CCDC33: variants seen among roughly 807,000 people sequenced by gnomAD.
CCDC33 encodes coiled-coil domain-containing protein 33.
In CCDC33, 94 loss-of-function variants were observed where a neutral mutation model predicts 91.9. That is an observed-to-expected ratio of 1.02 (90% CI 0.87 to 1.21). The LOEUF (loss-of-function observed/expected upper bound fraction) is 1.21. CCDC33 is among the 50% of genes most tolerant of loss of function. The probability of loss-of-function intolerance (pLI) is 0.00; values close to 1 mark genes in which losing one functional copy is unlikely to be tolerated. For synonymous variants in CCDC33, 396 were observed against 374.5 expected (o/e 1.06, Z -0.66); for missense variants, 940 against 935.5 (o/e 1.00, Z -0.06).
intron 2 of CCDC33, among the ~76,000 whole-genome samples, chr15:74,256,476 A>G (rs1445174333): frequency 6.6e-6 from 1 of 152,160 alleles, no homozygotes; most frequent in African/African-American, 2.4e-5. Context: ...AGAGGATTCC[A>G]CGTCCTGGCA....
chr15:74,253,515 C>T (rs182609655), intron 2 of CCDC33, among the ~76,000 whole-genome samples: 1 of 152,240 alleles, frequency 6.6e-6, no homozygotes, highest in African/African-American at 2.4e-5. Flanking sequence ...CCCTGGAATC[C>T]CGTTGATCTC....
chr15:74,336,159 G>A (rs1301869420), downstream of CCDC33: 4 of 1,506,118 alleles, frequency 2.7e-6, no homozygotes, highest in Non-Finnish European at 2.7e-6. Flanking sequence ...CCTCTTTCCT[G>A]GAGCAGGGCA....
intron 10 of CCDC33, among the ~76,000 whole-genome samples, chr15:74,291,236 T>C (rs1377891332): frequency 6.6e-6 from 1 of 152,224 alleles, no homozygotes; most frequent in African/African-American, 2.4e-5. Flanking sequence ...GAGGGGCCTG[T>C]TGTCTGAGCT....
chr15:74,303,926 C>T (rs2059843069), intron 11 of CCDC33: 1 of 152,302 alleles, frequency 6.6e-6, no homozygotes, highest in Non-Finnish European at 1.5e-5. Context: ...CTCTCCAATT[C>T]CTAAACACAA....
chr15:74,274,997 G>A (rs926758069), intron 7 of CCDC33, among the ~76,000 whole-genome samples: 4 of 152,220 alleles, frequency 2.6e-5, no homozygotes, highest in South Asian at 2.1e-4. Context: ...GGGATTGCCC[G>A]GGCAGAGCCA....
chr15:74,271,373 G>A (rs983861524), intron 5 of CCDC33, among the ~76,000 whole-genome samples: 3 of 152,160 alleles, frequency 2.0e-5, no homozygotes, highest in Non-Finnish European at 1.5e-5. Context: ...TGGAGGGGCC[G>A]AGGTTAGAAC....
chr15:74,247,591 CAGAA>C, intron 2 of CCDC33, among the ~76,000 whole-genome samples: 1 of 152,176 alleles, frequency 6.6e-6, no homozygotes, highest in South Asian at 2.1e-4. Flanking sequence ...AAGCTAGACA[CAGAA>C]AGACAAATAC....
chr15:74,293,759 A>C (rs2059628096), intron 10 of CCDC33, among the ~76,000 whole-genome samples: 1 of 152,222 alleles, frequency 6.6e-6, no homozygotes. Flanking sequence ...GGGGTCCCCC[A>C]GTGTCCCACT....
intron 11 of CCDC33, among the ~76,000 whole-genome samples, chr15:74,306,876 G>C (rs543791288): frequency 1.3e-5 from 2 of 152,198 alleles, no homozygotes; most frequent in African/African-American, 4.8e-5. Context: ...AGCATCAGGA[G>C]ACATGGAGTC....
chr15:74,329,743 A>G (rs2060386970), intron 11 of CCDC33, among the ~76,000 whole-genome samples: 1 of 152,134 alleles, frequency 6.6e-6, no homozygotes, highest in Non-Finnish European at 1.5e-5. Flanking sequence ...ATCCAGTGGG[A>G]TTTCTGAGAG....
In CCDC33 at chr15:74,321,527, A is replaced by C. The variant is rs558605694; in HGVS notation, c.1291-8662A>C. Among the ~76,000 whole-genome samples, 4 of 152,094 alleles carry C rather than the reference A, an allele frequency of 2.6e-5. No homozygotes were observed. In the South Asian group the frequency reaches 8.3e-4, roughly 32 times the overall value. Reference sequence around the variant, plus strand: ...TGATCCACCTCCCTTAGCCTCCCAAAGTGCTGAGATTACAGGCATGAGCCA... The same window carrying C: ...TGATCCACCTCCCTTAGCCTCCCAACGTGCTGAGATTACAGGCATGAGCCA... On this transcript the variant is annotated intron_variant, in intron 11 of 18. Transcript: ENST00000398814.
intron 2 of CCDC33, among the ~76,000 whole-genome samples, chr15:74,248,323 A>G (rs897468897): frequency 2.6e-5 from 4 of 151,082 alleles, no homozygotes; most frequent in African/African-American, 7.3e-5. Flanking sequence ...TATATTATAT[A>G]TATTATATAT....
intron 11 of CCDC33, among the ~76,000 whole-genome samples, chr15:74,296,503 G>C (rs567389619): frequency 2.6e-5 from 4 of 152,188 alleles, no homozygotes; most frequent in Non-Finnish European, 4.4e-5. Context: ...GTGCATGGCT[G>C]TAATTCCAGC....
chr15:74,314,600 G>C (rs993346902), intron 11 of CCDC33, among the ~76,000 whole-genome samples: 25 of 152,290 alleles, frequency 1.6e-4, no homozygotes, highest in African/African-American at 6.0e-4. Context: ...CCCTAGTCTG[G>C]ACCCATCCCA....
At chr15:74,211,157 A>G (rs75208833) in intron 2 of CCDC33, among the ~76,000 whole-genome samples, 77 of 5,624 alleles carry the variant, frequency 0.014, no homozygotes, top group African/African-American at 0.015. Flanking sequence ...GCACACGCAC[A>G]CACACACACA....
intron 12 of CCDC33, 125 bp downstream of exon 12, chr15:74,330,479 C>A: frequency 8.3e-7 from 1 of 1,205,304 alleles, no homozygotes; most frequent in Non-Finnish European, 1.2e-6. Flanking sequence ...CAAATAGGAG[C>A]CCCTCGCCCA....
intron 10 of CCDC33, among the ~76,000 whole-genome samples, chr15:74,292,492 T>A (rs1240347308): frequency 6.6e-6 from 1 of 152,138 alleles, no homozygotes; most frequent in Non-Finnish European, 1.5e-5. Context: ...ACATGATGGA[T>A]CTCTTGGTGC....
At chr15:74,246,651 CAAA>C (rs1395394215) in intron 2 of CCDC33, among the ~76,000 whole-genome samples, 1 of 152,152 alleles carries the variant, frequency 6.6e-6, no homozygotes, top group East Asian at 1.9e-4. Context: ...TGGCTGTTCT[CAAA>C]AACACAAGAG....
intron 2 of CCDC33, among the ~76,000 whole-genome samples, chr15:74,223,723 T>TACACACAC (rs55820464): frequency 0.026 from 2,924 of 112,192 alleles, 76 homozygotes; most frequent in Middle Eastern, 0.056. Flanking sequence ...ACCGCCAGCA[T>TACACACAC]ACACACACAC....
Sources: allele counts gnomAD v4.1 joint callset (sites outside exome capture counted in the v4.1 genomes callset), GRCh38; gene constraint gnomAD v4.1.1; transcripts MANE v1.5; gene names NCBI Gene and HGNC (gene_info 2026-07-23, HGNC 2026-07-21).